Variants in PIK3CD observed in about 807,000 individuals in gnomAD.
The protein encoded by PIK3CD is phosphatidylinositol 4,5-bisphosphate 3-kinase catalytic subunit delta isoform.
A neutral mutation model predicts 122.9 loss-of-function variants in PIK3CD; 20 were observed. That is an observed-to-expected ratio of 0.16 (90% CI 0.11 to 0.24). The LOEUF is 0.24. Among genes scored for constraint, PIK3CD ranks in the 10% least tolerant of loss-of-function variants. PIK3CD has a pLI of 1.00. For synonymous variants in PIK3CD, 596 were observed against 593.4 expected (o/e 1.00, Z -0.06); for missense variants, 787 against 1,406.3 (o/e 0.56, Z 7.04).
At chr1:9,640,191 C>T in the PIK3CD span, among the ~76,000 whole-genome samples, 1 of 152,020 alleles carries the variant, frequency 6.6e-6, no homozygotes, top group East Asian at 1.9e-4. Flanking sequence ...CTTTAAGATG[C>T]TCCAGTTTCA....
At chr1:9,634,149 GTT>G in the PIK3CD span, among the ~76,000 whole-genome samples, 30 of 46,334 alleles carry the variant, frequency 6.5e-4, no homozygotes, top group Middle Eastern at 0.011. Context: ...TTTTTGGGTT[GTT>G]TTTTTTTTTT....
the PIK3CD span, among the ~76,000 whole-genome samples, chr1:9,632,410 A>G: frequency 1.3e-5 from 2 of 151,856 alleles, no homozygotes; most frequent in Non-Finnish European, 2.9e-5. Flanking sequence ...CTACAGCCTC[A>G]AACTCCTGGG....
chr1:9,715,482 C>T lies in PIK3CD; in HGVS notation c.142-59C>T. 6.7e-7 allele frequency: 1 copy of T among 1,495,272 alleles called. No homozygotes were observed. The highest frequency in any genetic ancestry group is 9.3e-7 in the Non-Finnish European group (1 of 1,079,368). The allele number at this position is 1,495,272 out of a possible 1,614,324, so 92.6% of individuals were successfully genotyped here. ...AGGCCAGCTCTCCACCCTCCCTCAG[C>T]CTCCCACCTCCCAGTGGCTGCCTTG... On this transcript the variant is annotated intron_variant, in intron 3 of 23. Coordinates refer to ENST00000377346, the MANE Select transcript of PIK3CD (RefSeq NM_005026.5). The surrounding 1 kb of genome is among the most constrained non-coding windows in gnomAD (Gnocchi z 4.1).
intron 2 of PIK3CD, among the ~76,000 whole-genome samples, chr1:9,698,612 T>C (rs969082320): frequency 1.3e-5 from 2 of 152,254 alleles, no homozygotes; most frequent in African/African-American, 2.4e-5. Context: ...TCCTTATCAC[T>C]TTCACAAACA....
rs779707145 is a variant in PIK3CD, at chr1:9,722,042, A to G, written c.2123A>G (p.Lys708Arg). Residue 708 changes from lysine to arginine, a missense_variant, in exon 17 of 24, where the codon AAG becomes AGG. This residue lies in a region of PIK3CD where 48 missense variants were observed against 71.9 expected (regional missense o/e 0.67). Coordinates refer to ENST00000377346, the MANE Select transcript of PIK3CD (RefSeq NM_005026.5). This position sits in a 1 kb window ranked among gnomAD's most constrained non-coding sequence, Gnocchi z 7.6. ...AAGCTGAGCTCTCAGAAGACCCCCA[A>G]GCCCCAGACCAAGGAGCTGATGCAC... ...FVKLSSQKTP[K>R]PQTKELMHLC... is the part of the protein sequence containing the mutation. The G allele has an allele frequency of 1.9e-6, 3 of 1,613,594 alleles. No individual in the cohort carries two copies. The highest frequency in any genetic ancestry group is 1.3e-5 in the African/African-American group (1 of 74,936).
rs1648587526 is a variant in PIK3CD, at chr1:9,721,181, C to T, written c.1744C>T (p.Leu582=). 1.2e-6 allele frequency: 2 copies of T among 1,613,258 alleles called. No individual in the cohort carries two copies. The highest frequency in any genetic ancestry group is 1.7e-5 in the Admixed American group (1 of 60,004). The change falls in exon 14 of 24, where the codon CTG becomes TTG. Residue 582 remains leucine, a synonymous_variant. Transcript: ENST00000377346. ...PELPVLSALE[L]LDFSFPDCHV... is the part of the protein sequence containing the mutation. Reference sequence around the variant, plus strand: ...GCTGCCCGTCCTGAGCGCCCTGGAGCTGCTAGACTTCAGCTTCCCCGATTG... The same window carrying T: ...GCTGCCCGTCCTGAGCGCCCTGGAGTTGCTAGACTTCAGCTTCCCCGATTG...
chr1:9,659,578 C>T (rs1644954586), intron 1 of PIK3CD, among the ~76,000 whole-genome samples: 1 of 152,152 alleles, frequency 6.6e-6, no homozygotes, highest in Admixed American at 6.6e-5. Context: ...TCTGCTGTCT[C>T]TGTGCTTTTG....
chr1:9,714,079 T>G (rs1647167763), intron 3 of PIK3CD, among the ~76,000 whole-genome samples: 1 of 152,142 alleles, frequency 6.6e-6, no homozygotes, highest in South Asian at 2.1e-4. Context: ...CGTGAACTCC[T>G]GTGCTCAAGT....
At position 9,689,659 on chromosome 1, in the gene PIK3CD, CG is replaced by C. The variant is rs1646121063; in HGVS notation, c.-137-1807del. 4.6e-5 allele frequency among the ~76,000 whole-genome samples: 7 copies of C among 151,602 alleles called. No individual in the cohort carries two copies. In the South Asian group the frequency reaches 1.5e-3, roughly 31 times the overall value. On this transcript the variant is annotated intron_variant, in intron 1 of 23. Coordinates refer to ENST00000377346, the MANE Select transcript of PIK3CD (RefSeq NM_005026.5). This position sits in a 1 kb window ranked among gnomAD's most constrained non-coding sequence, Gnocchi z 6.1. ...TCTTCCCGTCACTCCGGGACCCGCC[CG>C]CTGTGTCCCCTGGGCAACTGTCTCC... is the stretch of plus-strand genomic sequence containing the variant.
Position 9,727,157 on chromosome 1 carries a change from C to T in PIK3CD, c.*111C>T, listed in dbSNP as rs1166942804. ...TGAACTGCACCTAACGGGAAAGAACCGACATGGCTGCCTTTTGTTTACACT... is the reference window on the plus strand; with the variant it reads ...TGAACTGCACCTAACGGGAAAGAACTGACATGGCTGCCTTTTGTTTACACT... On this transcript the variant is annotated 3_prime_UTR_variant, in exon 24 of 24. Transcript: ENST00000377346. 6 of 1,219,830 alleles carry T rather than the reference C, an allele frequency of 4.9e-6. No individual in the cohort carries two copies. The highest frequency in any genetic ancestry group is 3.8e-5 in the Admixed American group (2 of 52,434). The allele number at this position is 1,219,830 out of a possible 1,614,324, so 75.6% of individuals were successfully genotyped here.
chr1:9,646,368 A>G, the PIK3CD span, among the ~76,000 whole-genome samples: 1 of 152,342 alleles, frequency 6.6e-6, no homozygotes, highest in East Asian at 1.9e-4. Flanking sequence ...AAGTTTATTA[A>G]CAGATGCAGT....
intron 23 of PIK3CD, among the ~76,000 whole-genome samples, chr1:9,725,237 C>T (rs1359579677): frequency 6.6e-6 from 1 of 152,220 alleles, no homozygotes; most frequent in Non-Finnish European, 1.5e-5. Context: ...GCCGCGTGAG[C>T]GCTGGCTCCC....
chr1:9,647,313 G>C (rs776038344), upstream of PIK3CD, among the ~76,000 whole-genome samples: 73 of 151,810 alleles, frequency 4.8e-4, no homozygotes, highest in Middle Eastern at 3.4e-3. Flanking sequence ...AGGGTCACTT[G>C]GGCCTGGGAG....
Position 9,717,061 on chromosome 1 carries a change from C to A in PIK3CD, c.883C>A (p.Gln295Lys). The change falls in exon 7 of 24, where the codon CAG (glutamine) becomes AAG (lysine). Residue 295 changes from glutamine (Q) to lysine (K), a missense_variant. Physicochemically the swap from Gln to Lys is moderately conservative, Grantham distance 53. Coordinates refer to ENST00000377346, the MANE Select transcript of PIK3CD (RefSeq NM_005026.5). The surrounding 1 kb of genome is among the most constrained non-coding windows in gnomAD (Gnocchi z 5.4). Reference protein sequence around the residue: ...MRDEQSNPAPQVQKPRAKPPP... With the variant: ...MRDEQSNPAPKVQKPRAKPPP... ...GGATGAGCAGAGCAACCCTGCCCCC[C>A]AGGTCCAGAAACCGCGTGCCAAACC... The A allele has an allele frequency of 6.2e-7, 1 of 1,613,996 alleles. No homozygotes were observed. Among genetic ancestry groups the A allele is most frequent in the Non-Finnish European group, 8.5e-7 (1 of 1,180,030 alleles).
In PIK3CD at chr1:9,727,329, G is replaced by A. The variant is rs1649816600; in HGVS notation, c.*283G>A. ...GTCACCCCAAGTCTTCCAGCTGGTG[G>A]ATCTGGGCCCAGCAAAGACTGTTCT... On this transcript the variant is annotated 3_prime_UTR_variant, in exon 24 of 24. Coordinates refer to ENST00000377346, the MANE Select transcript of PIK3CD (RefSeq NM_005026.5). The A allele has an allele frequency of 2.0e-6, 1 of 504,922 alleles. No individual in the cohort carries two copies. The highest frequency in any genetic ancestry group is 3.5e-5 in the East Asian group (1 of 28,416). 31.3% of individuals were successfully genotyped at this position (504,922 alleles called of 1,614,324 possible).
rs201756280 is a variant in PIK3CD at position 9,710,777 on chromosome 1, G to GGTTT, written c.141+202_141+205dup. On this transcript the variant is annotated intron_variant, in intron 3 of 23. Transcript: ENST00000377346. This position sits in a 1 kb window ranked among gnomAD's most constrained non-coding sequence, Gnocchi z 4.7. Reference sequence around the variant, plus strand: ...ATGAGAATTTTAAAAGATAAATAATGGTTTGTTTGTTTGTTTGTTTGTTTT... The same window carrying GGTTT: ...ATGAGAATTTTAAAAGATAAATAATGGTTTGTTTGTTTGTTTGTTTGTTTGTTTT... 3.6e-3 allele frequency among the ~76,000 whole-genome samples: 549 copies of GGTTT among 151,974 alleles called. 1 individual carries two copies. The highest frequency in any genetic ancestry group is 0.011 in the African/African-American group (447 of 41,470).
rs747323075 is a variant in PIK3CD at position 9,715,839 on chromosome 1, C to G, written c.371-10C>G. 5 of 1,611,290 alleles carry G rather than the reference C, an allele frequency of 3.1e-6. No individual in the cohort carries two copies. The East Asian group carries it at 8.9e-5, about 29-fold the overall frequency. On this transcript the variant is annotated splice_polypyrimidine_tract_variant and intron_variant, in intron 4 of 23. Coordinates refer to ENST00000377346, the MANE Select transcript of PIK3CD (RefSeq NM_005026.5). The surrounding 1 kb of genome is among the most constrained non-coding windows in gnomAD (Gnocchi z 4.1). Reference sequence around the variant, plus strand: ...CCCCACCCGCTGACCCAGCCCTCCCCACCCCGCAGGCCTCCACGAGTTTGA... The same window carrying G: ...CCCCACCCGCTGACCCAGCCCTCCCGACCCCGCAGGCCTCCACGAGTTTGA...
chr1:9,706,654 C>G (rs1163787266), intron 2 of PIK3CD, among the ~76,000 whole-genome samples: 2 of 152,086 alleles, frequency 1.3e-5, no homozygotes, highest in Non-Finnish European at 2.9e-5. Context: ...GATTCGATAC[C>G]AAAATAAATG....
chr1:9,725,529 T>G (rs1294057918), intron 23 of PIK3CD, among the ~76,000 whole-genome samples: 1 of 151,490 alleles, frequency 6.6e-6, no homozygotes, highest in Non-Finnish European at 1.5e-5. Context: ...CACTCCAGCC[T>G]GGGCAGCAGG....
Sources: allele counts gnomAD v4.1 joint callset (sites outside exome capture counted in the v4.1 genomes callset), GRCh38; gene constraint gnomAD v4.1.1; regional missense constraint gnomAD v4.1.1; non-coding constraint Gnocchi (gnomAD v3.1); transcripts MANE v1.5; gene names NCBI Gene and HGNC (gene_info 2026-07-23, HGNC 2026-07-21).